Variants in SYT6 observed in about 807,000 individuals in gnomAD.
The protein encoded by SYT6 is synaptotagmin 6, also known as synaptotagmin-6.
In SYT6, 24 loss-of-function variants were observed where a neutral mutation model predicts 38.4. The observed-to-expected ratio is 0.62, with a 90% confidence interval of 0.45 to 0.88. The LOEUF is 0.88. Among genes scored for constraint, SYT6 ranks in the 40% least tolerant of loss-of-function variants. The pLI is 0.00. For synonymous variants in SYT6, 265 were observed against 241.9 expected (o/e 1.10, Z -0.89); for missense variants, 611 against 621.0 (o/e 0.98, Z 0.17).
At chr1:114,121,623 G>A (rs1218058945) in intron 3 of SYT6, among the ~76,000 whole-genome samples, 1 of 152,118 alleles carries the variant, frequency 6.6e-6, no homozygotes, top group Non-Finnish European at 1.5e-5. Flanking sequence ...TTACCTTGAG[G>A]CAAAGAAGGG....
At chr1:114,145,879 A>C (rs1469524257) in intron 1 of SYT6, among the ~76,000 whole-genome samples, 1 of 152,156 alleles carries the variant, frequency 6.6e-6, no homozygotes, top group Non-Finnish European at 1.5e-5. Flanking sequence ...GTAAATGAAA[A>C]GAGAGGTAGG....
At chr1:114,099,311 G>A (rs1427159406) in intron 4 of SYT6, 46 bp from the exon 5 acceptor site, 3 of 1,561,082 alleles carry the variant, frequency 1.9e-6, no homozygotes, top group Non-Finnish European at 2.6e-6. Flanking sequence ...ATGTTAAACA[G>A]ATGTCTGCAA....
chr1:114,137,378 T>G, intron 3 of SYT6, 117 bp downstream of exon 3: 1 of 1,251,962 alleles, frequency 8.0e-7, no homozygotes, highest in Non-Finnish European at 1.1e-6. Context: ...AGAGTCCCTC[T>G]TCACATCCCA....
intron 4 of SYT6, among the ~76,000 whole-genome samples, chr1:114,102,706 T>C (rs1045917903): frequency 4.6e-5 from 7 of 152,178 alleles, no homozygotes; most frequent in Non-Finnish European, 7.3e-5. Flanking sequence ...ATCGAGAGTC[T>C]CTTGAGCAGG....
intron 3 of SYT6, among the ~76,000 whole-genome samples, chr1:114,107,170 T>C (rs1676376196): frequency 6.6e-6 from 1 of 152,132 alleles, no homozygotes; most frequent in Non-Finnish European, 1.5e-5. Flanking sequence ...TGGGGGAGTC[T>C]GAGTTGATTT....
At chr1:114,133,731 A>C (rs1678307101) in intron 3 of SYT6, among the ~76,000 whole-genome samples, 1 of 152,222 alleles carries the variant, frequency 6.6e-6, no homozygotes. Context: ...ACTGCCCTGC[A>C]GGCCCGGTTT....
At chr1:114,129,564 TTTTCTTTCTTTCTTTCTTTC>T (rs58281086) in intron 3 of SYT6, among the ~76,000 whole-genome samples, 12 of 112,942 alleles carry the variant, frequency 1.1e-4, no homozygotes, top group South Asian at 6.3e-4. Flanking sequence ...TTTTTCTTTC[TTTTCTTTCTTTCTTTCTTTC>T]TTTCTTTCTT....
chr1:114,137,215 C>T (rs1286380645), intron 3 of SYT6, among the ~76,000 whole-genome samples: 1 of 152,214 alleles, frequency 6.6e-6, no homozygotes, highest in South Asian at 2.1e-4. Context: ...TAATGCACAT[C>T]AGTACTCTCA....
At chr1:114,100,645 T>C (rs1422890773) in intron 4 of SYT6, among the ~76,000 whole-genome samples, 1 of 152,240 alleles carries the variant, frequency 6.6e-6, no homozygotes, top group Non-Finnish European at 1.5e-5. Context: ...TGTCTCAAAC[T>C]ACACATTTGA....
chr1:114,146,393 C>T (rs1679156595), intron 1 of SYT6, among the ~76,000 whole-genome samples: 1 of 152,230 alleles, frequency 6.6e-6, no homozygotes, highest in African/African-American at 2.4e-5. Context: ...ATAACCTAAG[C>T]TGTATGCCTT....
intron 1 of SYT6, among the ~76,000 whole-genome samples, chr1:114,142,423 A>G (rs1341364756): frequency 6.6e-6 from 1 of 152,220 alleles, no homozygotes; most frequent in East Asian, 1.9e-4. Context: ...CTTGTGGATG[A>G]GTAAATAAAT....
intron 3 of SYT6, among the ~76,000 whole-genome samples, chr1:114,127,844 A>G (rs1039100751): frequency 6.6e-6 from 1 of 152,234 alleles, no homozygotes; most frequent in African/African-American, 2.4e-5. Flanking sequence ...GAGAATAACA[A>G]GGATGATGAG....
intron 5 of SYT6, among the ~76,000 whole-genome samples, chr1:114,098,084 G>A (rs542628927): frequency 9.8e-5 from 15 of 152,342 alleles, no homozygotes; most frequent in Non-Finnish European, 1.0e-4. Context: ...ACAGGCAGAT[G>A]AGCAAAGGTT....
chr1:114,132,439 G>A lies in SYT6; in HGVS notation c.1071+5056C>T, dbSNP rs145420550. Among the ~76,000 whole-genome samples the A allele has an allele frequency of 3.9e-3, 593 of 152,318 alleles. 5 individuals are homozygous for A. The highest frequency in any genetic ancestry group is 0.014 in the African/African-American group (568 of 41,566). On this transcript the variant is annotated intron_variant, in intron 3 of 7. Transcript: ENST00000610222. ...TCACTGTGGGGTTTCGGCCTCTGCT[G>A]TGGAGACCACACTCCCGGAGAATGG... is the stretch of plus-strand genomic sequence containing the variant.
chr1:114,151,358 C>A (rs1241357027), intron 1 of SYT6, among the ~76,000 whole-genome samples: 1 of 152,152 alleles, frequency 6.6e-6, no homozygotes, highest in East Asian at 1.9e-4. Context: ...AACTAGAACT[C>A]ATCTTCTGAT....
chr1:114,151,797 G>A (rs758519933), intron 1 of SYT6, among the ~76,000 whole-genome samples: 2 of 152,172 alleles, frequency 1.3e-5, no homozygotes, highest in Non-Finnish European at 2.9e-5. Flanking sequence ...TATGCGTGGT[G>A]TAGGAGGGGA....
chr1:114,114,636 A>T (rs1431918059), intron 3 of SYT6, among the ~76,000 whole-genome samples: 1 of 152,204 alleles, frequency 6.6e-6, no homozygotes, highest in African/African-American at 2.4e-5. Flanking sequence ...CTACTGAGTC[A>T]TCATCTCTGG....
intron 1 of SYT6, among the ~76,000 whole-genome samples, chr1:114,147,302 G>A (rs1679203018): frequency 6.6e-6 from 1 of 152,170 alleles, no homozygotes; most frequent in East Asian, 1.9e-4. Flanking sequence ...GAATTCCAAA[G>A]AAGTAAGAAG....
intron 6 of SYT6, among the ~76,000 whole-genome samples, chr1:114,096,526 C>T (rs534245119): frequency 6.6e-6 from 1 of 152,316 alleles, no homozygotes; most frequent in South Asian, 2.1e-4. Context: ...AGGTCCTTAT[C>T]ACCTATGTTT....
Sources: gnomAD v4.1 joint callset for allele counts (sites outside exome capture counted in the v4.1 genomes callset) on GRCh38, gnomAD v4.1.1 for gene constraint, MANE v1.5 for transcripts, NCBI Gene and HGNC (gene_info 2026-07-23, HGNC 2026-07-21) for gene names.